SNCB: variants seen among roughly 807,000 people sequenced by gnomAD.
The protein encoded by SNCB is synuclein beta.
SNCB carries 8 observed loss-of-function variants against 20.0 expected under a neutral mutation model. The observed-to-expected ratio is 0.40, with a 90% CI of 0.24 to 0.72. The LOEUF is 0.72. Among genes scored for constraint, SNCB ranks in the 30% least tolerant of loss-of-function variants. SNCB has a pLI of 0.37. For synonymous variants in SNCB, 56 were observed against 65.4 expected, an observed-to-expected ratio of 0.86 and a Z score of 0.69; for missense variants, 125 against 168.0, an observed-to-expected ratio of 0.74 and a Z score of 1.41.
intron 4 of SNCB, among the ~76,000 whole-genome samples, chr5:176,624,088 T>C (rs186296232): frequency 1.3e-4 from 20 of 152,312 alleles, no homozygotes; most frequent in Non-Finnish European, 2.9e-4. Flanking sequence ...TTGGGCTCCC[T>C]TGGGAGGGTA....
chr5:176,620,771 G>A lies in SNCB; in HGVS notation c.*40C>T, dbSNP rs763433593. The A allele has an allele frequency of 6.5e-7, 1 of 1,527,232 alleles. No individual in the cohort carries two copies. The highest frequency in any genetic ancestry group is 1.7e-5 in the Admixed American group (1 of 59,944). 94.6% of individuals were successfully genotyped at this position (1,527,232 alleles called of 1,614,324 possible). A position where few individuals can be genotyped will look rare whatever the true frequency, so the allele number is the denominator to read the frequency against. On this transcript the variant is annotated 3_prime_UTR_variant, in exon 6 of 6. Coordinates refer to ENST00000393693, the MANE Select transcript of SNCB (RefSeq NM_003085.5). This position sits in a 1 kb window ranked among gnomAD's most constrained non-coding sequence, Gnocchi z 4.5. ...GGCTCTGGGGGGCGGGGCAGGGACAGGGACAGAATTGTGCTGCTGGTGGGG... is the reference window on the plus strand; with the variant it reads ...GGCTCTGGGGGGCGGGGCAGGGACAAGGACAGAATTGTGCTGCTGGTGGGG...
In SNCB at chr5:176,626,632, G is replaced by A. The variant is rs1196804095; in HGVS notation, c.163+88C>T. ...CACGGAGCATTCCCGCAGAAGCCTT[G>A]GGAGTCTCCCCCGCCCCCGCCCTCT... On this transcript the variant is annotated intron_variant, in intron 3 of 5. Transcript: ENST00000393693. The surrounding 1 kb of genome is among the most constrained non-coding windows in gnomAD (Gnocchi z 4.2). 1 of 1,546,352 alleles carries A rather than the reference G, an allele frequency of 6.5e-7. No homozygotes were observed.
At chr5:176,625,563 C>G (rs1298524603) in intron 4 of SNCB, among the ~76,000 whole-genome samples, 4 of 152,180 alleles carry the variant, frequency 2.6e-5, no homozygotes, top group Non-Finnish European at 5.9e-5. Context: ...GGATTCAAAC[C>G]CAGCTGAGGC....
chr5:176,629,744 C>G lies in SNCB; in HGVS notation c.-9-81G>C. 1 of 1,533,556 alleles carries G rather than the reference C, an allele frequency of 6.5e-7. No individual in the cohort carries two copies. The highest frequency in any genetic ancestry group is 8.8e-7 in the Non-Finnish European group (1 of 1,135,514). 95.0% of individuals were successfully genotyped at this position (1,533,556 alleles called of 1,614,324 possible). On this transcript the variant is annotated intron_variant, in intron 1 of 5. Coordinates refer to ENST00000393693, the MANE Select transcript of SNCB (RefSeq NM_003085.5). The surrounding 1 kb of genome is among the most constrained non-coding windows in gnomAD (Gnocchi z 4.1). ...CCCTCCCGCGGGACGCAGATGCCCC[C>G]CTACTCCCGAGACCGCGGCGCCCTT...
Position 176,629,532 on chromosome 5 carries a change from AC to A in SNCB, c.121+1del. The A allele has an allele frequency of 6.3e-7, 1 of 1,599,342 alleles. No homozygotes were observed. Among genetic ancestry groups the A allele is most frequent in the Admixed American group, 1.7e-5 (1 of 59,120 alleles). ...GCCCCAGAAACCCCGCCCCTTACCC[AC>A]CGACGTAGAGGACGCCCTCCTTGGT... On this transcript the variant is annotated splice_donor_variant, in intron 2 of 5. Transcript: ENST00000393693. LOFTEE classifies it high-confidence loss of function. The surrounding 1 kb of genome is among the most constrained non-coding windows in gnomAD (Gnocchi z 4.1).
intron 4 of SNCB, among the ~76,000 whole-genome samples, chr5:176,623,292 C>G (rs1759725123): frequency 6.6e-6 from 1 of 152,120 alleles, no homozygotes; most frequent in Non-Finnish European, 1.5e-5. Context: ...GAGGCTGAGG[C>G]AAGAGCATTG....
At position 176,620,722 on chromosome 5, in the gene SNCB, G is replaced by A. The variant is rs991668487; in HGVS notation, c.*89C>T. 4.5e-6 allele frequency: 4 copies of A among 889,024 alleles called. No individual in the cohort carries two copies. The highest frequency in any genetic ancestry group is 7.7e-6 in the Non-Finnish European group (4 of 518,060). The allele number at this position is 889,024 out of a possible 1,614,324, so 55.1% of individuals were successfully genotyped here. ...GCGGAAGGAAGATCTCGTGATTGGGGAGAAGGAGTCTAAGGACAGCCCTGG... is the reference window on the plus strand; with the variant it reads ...GCGGAAGGAAGATCTCGTGATTGGGAAGAAGGAGTCTAAGGACAGCCCTGG... On this transcript the variant is annotated 3_prime_UTR_variant, in exon 6 of 6. Transcript: ENST00000393693. The surrounding 1 kb of genome is among the most constrained non-coding windows in gnomAD (Gnocchi z 4.5).
Position 176,626,839 on chromosome 5 carries a change from G to C in SNCB, c.122-78C>G. Reference sequence around the variant, plus strand: ...ACTCCAGCACAGCATGGTGATTACAGAGTGGGCATCCTGGCCCCGTCACTG... The same window carrying C: ...ACTCCAGCACAGCATGGTGATTACACAGTGGGCATCCTGGCCCCGTCACTG... On this transcript the variant is annotated intron_variant, in intron 2 of 5. Coordinates refer to ENST00000393693, the MANE Select transcript of SNCB (RefSeq NM_003085.5). This position sits in a 1 kb window ranked among gnomAD's most constrained non-coding sequence, Gnocchi z 4.2. The C allele has an allele frequency of 6.6e-7, 1 of 1,513,810 alleles. No homozygotes were observed. The highest frequency in any genetic ancestry group is 2.3e-5 in the East Asian group (1 of 44,390). The allele number at this position is 1,513,810 out of a possible 1,614,324, so 93.8% of individuals were successfully genotyped here.
At position 176,626,165 on chromosome 5, in the gene SNCB, A is replaced by G. The variant is rs940426047; in HGVS notation, c.282+233T>C. Reference sequence around the variant, plus strand: ...GCAAGCAGGATACACGCAGACAGCCAGGTCTGGGTCCCCATCACCGGGAGC... The same window carrying G: ...GCAAGCAGGATACACGCAGACAGCCGGGTCTGGGTCCCCATCACCGGGAGC... On this transcript the variant is annotated intron_variant, in intron 4 of 5. Coordinates refer to ENST00000393693, the MANE Select transcript of SNCB (RefSeq NM_003085.5). This position sits in a 1 kb window ranked among gnomAD's most constrained non-coding sequence, Gnocchi z 4.2. Among the ~76,000 whole-genome samples, 4 of 152,144 alleles carry G rather than the reference A, an allele frequency of 2.6e-5. No homozygotes were observed.
At position 176,629,667 on chromosome 5, in the gene SNCB, G is replaced by A; in HGVS notation, c.-9-4C>T. 6.2e-7 allele frequency: 1 copy of A among 1,612,628 alleles called. No individual in the cohort carries two copies. Among genetic ancestry groups the A allele is most frequent in the Non-Finnish European group, 8.5e-7 (1 of 1,179,282 alleles). ...TGAACACGTCCATCCTGGCGGCCTG[G>A]GGAGGGCGATACACGGGCACCGGTG... On this transcript the variant is annotated splice_region_variant and splice_polypyrimidine_tract_variant and intron_variant, in intron 1 of 5. Coordinates refer to ENST00000393693, the MANE Select transcript of SNCB (RefSeq NM_003085.5). This position sits in a 1 kb window ranked among gnomAD's most constrained non-coding sequence, Gnocchi z 4.1.
chr5:176,626,312 G>GT lies in SNCB; in HGVS notation c.282+85dup. On this transcript the variant is annotated intron_variant, in intron 4 of 5. Coordinates refer to ENST00000393693, the MANE Select transcript of SNCB (RefSeq NM_003085.5). This position sits in a 1 kb window ranked among gnomAD's most constrained non-coding sequence, Gnocchi z 4.2. ...TGGCAGGATTAGGGGGGCGGGGATGGTGACAGGTTTATTTGTGTGCCTGGT... is the reference window on the plus strand; with the variant it reads ...TGGCAGGATTAGGGGGGCGGGGATGGTTGACAGGTTTATTTGTGTGCCTGGT... 3 of 995,362 alleles carry GT rather than the reference G, an allele frequency of 3.0e-6. No individual in the cohort carries two copies. The South Asian group carries it at 3.8e-5, about 13-fold the overall frequency. The allele number at this position is 995,362 out of a possible 1,614,324, so 61.7% of individuals were successfully genotyped here. A position where few individuals can be genotyped will look rare whatever the true frequency, so the allele number is the denominator to read the frequency against.
Position 176,629,818 on chromosome 5 carries a change from C to G in SNCB, c.-9-155G>C. 1 of 1,059,936 alleles carries G rather than the reference C, an allele frequency of 9.4e-7. No individual in the cohort carries two copies. Among genetic ancestry groups the G allele is most frequent in the African/African-American group, 1.6e-5 (1 of 62,580 alleles). The allele number at this position is 1,059,936 out of a possible 1,614,324, so 65.7% of individuals were successfully genotyped here. A position where few individuals can be genotyped will look rare whatever the true frequency, so the allele number is the denominator to read the frequency against. On this transcript the variant is annotated intron_variant, in intron 1 of 5. Transcript: ENST00000393693. This position sits in a 1 kb window ranked among gnomAD's most constrained non-coding sequence, Gnocchi z 4.1. ...TTTCCCCCCATCCCACCCCACTCCC[C>G]AGTGCGAAGCCTCAGGGCCGCGGAG...
At chr5:176,622,867 G>C (rs558218450) in intron 4 of SNCB, among the ~76,000 whole-genome samples, 2 of 151,574 alleles carry the variant, frequency 1.3e-5, no homozygotes, top group Admixed American at 1.3e-4. Flanking sequence ...TTCCCAAGTA[G>C]CTGGGATTAC....
intron 4 of SNCB, among the ~76,000 whole-genome samples, chr5:176,624,312 C>A (rs1013665178): frequency 6.6e-6 from 1 of 152,228 alleles, no homozygotes; most frequent in Admixed American, 6.5e-5. Flanking sequence ...GGGAGGCAGG[C>A]AGGAAATGGG....
In SNCB at chr5:176,626,902, A is replaced by G. The variant is rs1759996457; in HGVS notation, c.122-141T>C. 1 of 841,054 alleles carries G rather than the reference A, an allele frequency of 1.2e-6. No individual in the cohort carries two copies. Among genetic ancestry groups the G allele is most frequent in the East Asian group, 2.5e-5 (1 of 39,894 alleles). The allele number at this position is 841,054 out of a possible 1,614,324, so 52.1% of individuals were successfully genotyped here. ...CCCACATCCTACAACCTGCACCCCC[A>G]TGTTAACCCCCGTCTTATCACTGCA... On this transcript the variant is annotated intron_variant, in intron 2 of 5. Coordinates refer to ENST00000393693, the MANE Select transcript of SNCB (RefSeq NM_003085.5). The surrounding 1 kb of genome is among the most constrained non-coding windows in gnomAD (Gnocchi z 4.2).
At position 176,626,761 on chromosome 5, in the gene SNCB, C is replaced by T. The variant is rs775050750; in HGVS notation, c.122G>A (p.Gly41Glu). ...EKTKEGVLYV[G>E]SKTREGVVQG... ...TACCACACCTTCTCGGGTCTTGCTT[C>T]CTGCAGGGAGAAAAAGCGGCACATT... Residue 41 changes from glycine (G) to glutamate (E), a missense_variant and splice_region_variant, in exon 3 of 6, where the codon GGA (glycine) becomes GAA (glutamate). Transcript: ENST00000393693. The surrounding 1 kb of genome is among the most constrained non-coding windows in gnomAD (Gnocchi z 4.2). The T allele has an allele frequency of 6.2e-7, 1 of 1,614,170 alleles. No homozygotes were observed. The highest frequency in any genetic ancestry group is 8.5e-7 in the Non-Finnish European group (1 of 1,180,030).
intron 4 of SNCB, among the ~76,000 whole-genome samples, chr5:176,624,567 G>T (rs532394947): frequency 6.6e-6 from 1 of 152,150 alleles, no homozygotes; most frequent in Admixed American, 6.5e-5. Flanking sequence ...CTGGGAGGCC[G>T]AGGCAGGTGG....
chr5:176,628,867 G>A (rs1204698240), intron 2 of SNCB, among the ~76,000 whole-genome samples: 1 of 152,248 alleles, frequency 6.6e-6, no homozygotes, highest in African/African-American at 2.4e-5. Flanking sequence ...CCCTGGGCAA[G>A]TTATCCAACC....
chr5:176,629,728 G>A lies in SNCB; in HGVS notation c.-9-65C>T, dbSNP rs914173515. On this transcript the variant is annotated intron_variant, in intron 1 of 5. Coordinates refer to ENST00000393693, the MANE Select transcript of SNCB (RefSeq NM_003085.5). The surrounding 1 kb of genome is among the most constrained non-coding windows in gnomAD (Gnocchi z 4.1). ...GCACTCTCACCCCAGCCCCTCCCGC[G>A]GGACGCAGATGCCCCCCTACTCCCG... The A allele has an allele frequency of 3.8e-6, 6 of 1,566,674 alleles. No homozygotes were observed. Among genetic ancestry groups the A allele is most frequent in the South Asian group, 1.2e-5 (1 of 84,828 alleles).
Sources: allele counts gnomAD v4.1 joint callset (sites outside exome capture counted in the v4.1 genomes callset), GRCh38; gene constraint gnomAD v4.1.1; non-coding constraint Gnocchi (gnomAD v3.1); transcripts MANE v1.5; gene names NCBI Gene and HGNC (gene_info 2026-07-23, HGNC 2026-07-21).